PTK2: variants seen among roughly 807,000 people sequenced by gnomAD.
PTK2 encodes focal adhesion kinase 1.
In PTK2, 45 loss-of-function variants were observed where a neutral mutation model predicts 150.1. The ratio of observed to expected loss-of-function variants is 0.30; its 90% CI spans 0.24 to 0.38. PTK2 has a LOEUF of 0.38. Among genes scored for constraint, PTK2 ranks in the 10% least tolerant of loss-of-function variants. The probability of loss-of-function intolerance (pLI) is 1.00; values close to 1 mark genes in which losing one functional copy is unlikely to be tolerated. For missense variants in PTK2, 919 were observed against 1,307.3 expected (o/e 0.70, Z 4.58); for synonymous variants, 432 against 449.2 (o/e 0.96, Z 0.48).
At chr8:140,683,896 A>G (rs999834323) in intron 27 of PTK2, among the ~76,000 whole-genome samples, 20 of 152,324 alleles carry the variant, frequency 1.3e-4, no homozygotes, top group African/African-American at 3.8e-4. Context: ...CACAGCCAAT[A>G]TCATATTGAA....
chr8:140,920,894 C>T (rs771315876), intron 2 of PTK2: 11 of 1,525,208 alleles, frequency 7.2e-6, no homozygotes, highest in South Asian at 3.6e-5. Flanking sequence ...GGCCTCTTGG[C>T]CTGCCAGTTC....
rs138241228 is a variant in PTK2 at position 140,723,166 on chromosome 8, T to A, written c.2031-5457A>T. On this transcript the variant is annotated intron_variant, in intron 22 of 31. Coordinates refer to ENST00000522684, the Ensembl canonical transcript of PTK2. ...TGTTTCATTTCAGCCCTTAATCACA[T>A]ATTGCCATGTTGTGGAATTTAGCTT... Among the ~76,000 whole-genome samples the A allele has an allele frequency of 4.5e-3, 685 of 152,348 alleles. 4 individuals carry two copies. The highest frequency in any genetic ancestry group is 0.016 in the African/African-American group (648 of 41,594).
intron 12 of PTK2, among the ~76,000 whole-genome samples, chr8:140,795,757 G>C (rs990923214): frequency 6.6e-6 from 1 of 152,156 alleles, no homozygotes; most frequent in African/African-American, 2.4e-5. Flanking sequence ...TTGAAAGCAT[G>C]CAGTGTTTGG....
chr8:140,920,669 G>T, intron 2 of PTK2: 1 of 784,400 alleles, frequency 1.3e-6, no homozygotes, highest in South Asian at 2.3e-5. Flanking sequence ...TGTAATAGCT[G>T]TAAACCCATA....
At chr8:140,977,644 C>T (rs569765934) in intron 1 of PTK2, among the ~76,000 whole-genome samples, 9 of 151,528 alleles carry the variant, frequency 5.9e-5, no homozygotes, top group African/African-American at 2.2e-4. Context: ...CTGCAGTGAG[C>T]TGTGATCGTC....
At chr8:140,902,930 T>TGTTTTTTG (rs1464479188) in intron 2 of PTK2, among the ~76,000 whole-genome samples, 5 of 89,428 alleles carry the variant, frequency 5.6e-5, no homozygotes, top group Non-Finnish European at 7.3e-5. Context: ...AGTTGTTTTT[T>TGTTTTTTG]TTTTTTTTTT....
intron 2 of PTK2, among the ~76,000 whole-genome samples, chr8:140,895,611 G>C (rs1343354918): frequency 6.6e-6 from 1 of 152,140 alleles, no homozygotes; most frequent in Non-Finnish European, 1.5e-5. Flanking sequence ...GTGAAGGGGG[G>C]ATGGTTAATG....
chr8:140,758,144 T>C (rs1184027124), intron 16 of PTK2, among the ~76,000 whole-genome samples: 1 of 152,270 alleles, frequency 6.6e-6, no homozygotes, highest in Non-Finnish European at 1.5e-5. Flanking sequence ...CAGGCTGGAG[T>C]GCAGTGGTGT....
chr8:140,728,590 C>T (rs1287839993), intron 22 of PTK2, among the ~76,000 whole-genome samples: 1 of 152,218 alleles, frequency 6.6e-6, no homozygotes, highest in African/African-American at 2.4e-5. Context: ...ACGATCTCGG[C>T]TCACTGCAAC....
intron 22 of PTK2, among the ~76,000 whole-genome samples, chr8:140,725,505 C>A (rs1034729474): frequency 6.6e-6 from 1 of 152,148 alleles, no homozygotes; most frequent in African/African-American, 2.4e-5. Flanking sequence ...TTTTCAGTGG[C>A]CATTAGTGAG....
intron 4 of PTK2, among the ~76,000 whole-genome samples, chr8:140,871,699 C>A (rs2100142616): frequency 6.6e-6 from 1 of 152,134 alleles, no homozygotes. Flanking sequence ...CACAATGAGA[C>A]CTTGTCTGTA....
chr8:140,751,217 G>T (rs2100062473), intron 17 of PTK2, among the ~76,000 whole-genome samples: 1 of 152,176 alleles, frequency 6.6e-6, no homozygotes, highest in Admixed American at 6.5e-5. Context: ...CACTTAGGCT[G>T]GAGTGCAATG....
intron 5 of PTK2, among the ~76,000 whole-genome samples, chr8:140,862,472 T>C (rs1386367791): frequency 2.0e-5 from 3 of 152,178 alleles, no homozygotes; most frequent in Admixed American, 6.5e-5. Context: ...AAAAACGCCT[T>C]CTTAATCTTT....
chr8:140,947,185 C>T (rs1012465324), intron 1 of PTK2, among the ~76,000 whole-genome samples: 3 of 152,160 alleles, frequency 2.0e-5, no homozygotes, highest in Admixed American at 2.0e-4. Context: ...CTATTTCAAA[C>T]CTCCTCCACT....
exon 32 of PTK2, chr8:140,659,160 T>C (rs1443629076): frequency 2.5e-6 from 1 of 392,350 alleles, no homozygotes; most frequent in East Asian, 4.4e-5. Flanking sequence ...CGTATCTTAA[T>C]GTGAACATAA....
In PTK2 at chr8:140,734,157, G is replaced by C. The variant is rs199785829; in HGVS notation, c.2030+1094C>G. ...GGCTGGGCTAGATGGTGAAAGGCCTGGACCCTGCAGTTGATGATTTTTAGG... is the reference window on the plus strand; with the variant it reads ...GGCTGGGCTAGATGGTGAAAGGCCTCGACCCTGCAGTTGATGATTTTTAGG... On this transcript the variant is annotated intron_variant, in intron 22 of 31. Coordinates refer to ENST00000522684, the Ensembl canonical transcript of PTK2. 2.0e-5 allele frequency among the ~76,000 whole-genome samples: 3 copies of C among 152,280 alleles called. No homozygotes were observed. In the East Asian group the frequency reaches 5.8e-4, roughly 29 times the overall value.
At chr8:140,751,837 T>C in intron 17 of PTK2, 19 of 493,114 alleles carry the variant, frequency 3.9e-5, no homozygotes, top group South Asian at 2.4e-4. Flanking sequence ...GGAATGGTCA[T>C]AGAGCCCTAT....
intron 1 of PTK2, among the ~76,000 whole-genome samples, chr8:140,977,530 G>T (rs570682038): frequency 1.2e-3 from 184 of 151,762 alleles, no homozygotes; most frequent in Non-Finnish European, 2.1e-3. Flanking sequence ...GCTGAGGCAG[G>T]AGAACTGCTT....
chr8:140,882,946 T>C (rs1298204215), intron 3 of PTK2, among the ~76,000 whole-genome samples: 3 of 152,198 alleles, frequency 2.0e-5, no homozygotes. Flanking sequence ...ATTAATCTTA[T>C]GATGATCAAT....
Sources: allele counts gnomAD v4.1 joint callset (sites outside exome capture counted in the v4.1 genomes callset), GRCh38; gene constraint gnomAD v4.1.1; transcripts MANE v1.5; gene names NCBI Gene and HGNC (gene_info 2026-07-23, HGNC 2026-07-21).